The following PDE6A variants were observed in gnomAD, a reference collection of about 807,000 sequenced individuals.
PDE6A encodes the protein rod cGMP-specific 3',5'-cyclic phosphodiesterase subunit alpha.
Under a neutral mutation model 106.3 loss-of-function variants are expected in PDE6A, and 84 were observed. That is an observed-to-expected ratio of 0.79 (90% CI 0.66 to 0.95). PDE6A has a LOEUF of 0.95. Among genes scored for constraint, PDE6A ranks in the 40% least tolerant of loss-of-function variants. The pLI is 0.00. For synonymous variants in PDE6A, 394 were observed against 386.6 expected (o/e 1.02, Z -0.23); for missense variants, 1,052 against 1,084.9 (o/e 0.97, Z 0.43).
rs139011078 is a variant in PDE6A, at chr5:149,886,348, C to A, written c.1755G>T (p.Thr585=). 5 of 1,613,962 alleles carry A rather than the reference C, an allele frequency of 3.1e-6. No individual in the cohort carries two copies. The highest frequency in any genetic ancestry group is 4.2e-6 in the Non-Finnish European group (5 of 1,179,976). ...TGACCATGGCCAAGGCCTCTAGGTCCGTGAAGTAGCGCTTCAGCTTTCCCG... is the reference window on the plus strand; with the variant it reads ...TGACCATGGCCAAGGCCTCTAGGTCAGTGAAGTAGCGCTTCAGCTTTCCCG... ...LVTGKLKRYF[T]DLEALAMVTA... The change falls in exon 14 of 22, where the codon ACG becomes ACT. Residue 585 remains threonine (T), a synonymous_variant. Transcript: ENST00000255266.
At chr5:149,918,817 C>G (rs369934767) in intron 5 of PDE6A, among the ~76,000 whole-genome samples, 2 of 151,898 alleles carry the variant, frequency 1.3e-5, no homozygotes, top group East Asian at 3.9e-4. Flanking sequence ...GAGACAAGGT[C>G]TCACTTTGTT....
intron 8 of PDE6A, among the ~76,000 whole-genome samples, chr5:149,901,521 T>G (rs1752978737): frequency 1.3e-5 from 2 of 151,968 alleles, no homozygotes; most frequent in African/African-American, 4.8e-5. Flanking sequence ...AGTATGAAAC[T>G]CCATCTCAAA....
chr5:149,882,113 C>G (rs931842158), intron 17 of PDE6A, among the ~76,000 whole-genome samples: 1 of 151,414 alleles, frequency 6.6e-6, no homozygotes, highest in African/African-American at 2.4e-5. Flanking sequence ...GGGGGCAGCT[C>G]CTGGCCAGTC....
intron 1 of PDE6A, among the ~76,000 whole-genome samples, chr5:149,938,111 C>G (rs1581214048): frequency 6.6e-6 from 1 of 152,164 alleles, no homozygotes; most frequent in Admixed American, 6.5e-5. Context: ...GCCCACGACT[C>G]AAAGCATGTG....
intron 16 of PDE6A, 93 bp downstream of exon 16, chr5:149,884,386 A>G (rs1011343479): frequency 2.6e-5 from 20 of 764,262 alleles, no homozygotes; most frequent in East Asian, 8.1e-5. Context: ...GTGTATATAT[A>G]TGTGTATATA....
chr5:149,868,712 C>T lies in PDE6A; in HGVS notation c.2136-554G>A, dbSNP rs548371002. Among the ~76,000 whole-genome samples the T allele has an allele frequency of 7.9e-5, 12 of 152,216 alleles. 3 individuals are homozygous for T. The South Asian group carries it at 2.5e-3, about 32-fold the overall frequency. ...TTTTAGATACTTTTTCAGTAATTGC[C>T]CCACGATGAGCTTTTAATACCACAG... On this transcript the variant is annotated intron_variant, in intron 17 of 21. Transcript: ENST00000255266.
chr5:149,944,396 CG>C lies in PDE6A; in HGVS notation c.277del (p.Arg93AlafsTer2). The C allele has an allele frequency of 6.2e-7, 1 of 1,614,044 alleles. No individual in the cohort carries two copies. The highest frequency in any genetic ancestry group is 8.5e-7 in the Non-Finnish European group (1 of 1,179,990). On this transcript the variant is annotated frameshift_variant, in exon 1 of 22. Coordinates refer to ENST00000255266, the MANE Select transcript of PDE6A (RefSeq NM_000440.3). LOFTEE classifies it high-confidence loss of function. ...GGTCCGGTACATGAACAGGCTCATG[CG>C]GTCTGCCTGCAGGAGGAAGCACAGC... is the stretch of plus-strand genomic sequence containing the variant. ...KKLCFLLQAD[R>X]MSLFMYRTRN...
rs778284919 is a variant in PDE6A, at chr5:149,944,749, C to G, written c.-76G>C. The G allele has an allele frequency of 4.2e-6, 5 of 1,193,906 alleles. No homozygotes were observed. In the Admixed American group the frequency reaches 9.9e-5, roughly 24 times the overall value. 74.0% of individuals were successfully genotyped at this position (1,193,906 alleles called of 1,614,324 possible). A position where few individuals can be genotyped will look rare whatever the true frequency, so the allele number is the denominator to read the frequency against. On this transcript the variant is annotated 5_prime_UTR_variant, in exon 1 of 22. Coordinates refer to ENST00000255266, the MANE Select transcript of PDE6A (RefSeq NM_000440.3). The stretch of plus-strand genomic sequence containing the variant: ...CCAATGGCAGTTTTGCAGTCTGCAA[C>G]AAGTCCAGTCTGGACTTCTCTGGGT...
At chr5:149,909,708 T>C (rs1419223304) in intron 6 of PDE6A, among the ~76,000 whole-genome samples, 1 of 152,244 alleles carries the variant, frequency 6.6e-6, no homozygotes, top group African/African-American at 2.4e-5. Context: ...AAATTTTACA[T>C]TAAGCACAAT....
intron 4 of PDE6A, among the ~76,000 whole-genome samples, chr5:149,929,465 G>C (rs1453447540): frequency 4.6e-5 from 7 of 152,088 alleles, no homozygotes; most frequent in Admixed American, 4.6e-4. Context: ...AAATTAGCCA[G>C]GCATGGTGGT....
chr5:149,900,237 C>A (rs755496651), intron 8 of PDE6A, among the ~76,000 whole-genome samples: 37 of 151,700 alleles, frequency 2.4e-4, no homozygotes, highest in African/African-American at 3.1e-4. Context: ...CGGCATGCTC[C>A]TGTAATCCCA....
intron 6 of PDE6A, among the ~76,000 whole-genome samples, chr5:149,913,079 T>C (rs1223631740): frequency 6.6e-6 from 1 of 152,006 alleles, no homozygotes; most frequent in Non-Finnish European, 1.5e-5. Context: ...AGATGAACTT[T>C]AGAAGATAAT....
At position 149,907,352 on chromosome 5, in the gene PDE6A, A is replaced by G; in HGVS notation, c.1025T>C (p.Leu342Ser). 6.2e-7 allele frequency: 1 copy of G among 1,614,082 alleles called. No individual in the cohort carries two copies. The highest frequency in any genetic ancestry group is 8.5e-7 in the Non-Finnish European group (1 of 1,179,930). Residue 342 changes from leucine to serine, a missense_variant, in exon 7 of 22, where the codon TTA becomes TCA. Transcript: ENST00000255266. ...IPNPPPDHWA[L>S]VSGLPAYVAQ... Reference sequence around the variant, plus strand: ...AACATAAGCTGGGAGACCGCTTACTAAAGCCCAATGGTCAGGAGGTGGATT... The same window carrying G: ...AACATAAGCTGGGAGACCGCTTACTGAAGCCCAATGGTCAGGAGGTGGATT...
intron 6 of PDE6A, 59 bp from the exon 7 acceptor site, chr5:149,907,437 T>TA: frequency 7.1e-7 from 1 of 1,417,720 alleles, no homozygotes; most frequent in Non-Finnish European, 1.0e-6. Context: ...GACTAAAGAC[T>TA]AAAATCTGGG....
At chr5:149,896,269 A>G (rs916523299) in intron 12 of PDE6A, 87 bp downstream of exon 12, 13 of 1,086,510 alleles carry the variant, frequency 1.2e-5, no homozygotes, top group Non-Finnish European at 1.7e-5. Context: ...ACTCTTTTTA[A>G]GGTAGTTTAC....
Position 149,896,514 on chromosome 5 carries a change from A to G in PDE6A, c.1474-12T>C. Reference sequence around the variant, plus strand: ...GGCAGCTCCGCTTGCTGTATAAGGAATAGAGTCAGGTGATTAGGAAACATG... The same window carrying G: ...GGCAGCTCCGCTTGCTGTATAAGGAGTAGAGTCAGGTGATTAGGAAACATG... On this transcript the variant is annotated splice_polypyrimidine_tract_variant and intron_variant, in intron 11 of 21. Coordinates refer to ENST00000255266, the MANE Select transcript of PDE6A (RefSeq NM_000440.3). 6.2e-7 allele frequency: 1 copy of G among 1,614,214 alleles called. No individual in the cohort carries two copies. Among genetic ancestry groups the G allele is most frequent in the Non-Finnish European group, 8.5e-7 (1 of 1,180,040 alleles).
chr5:149,886,288 G>C lies in PDE6A; in HGVS notation c.1815C>G (p.Gly605=), dbSNP rs770977429. The change falls in exon 14 of 22, where the codon GGC becomes GGG. Residue 605 remains glycine, a synonymous_variant. Coordinates refer to ENST00000255266, the MANE Select transcript of PDE6A (RefSeq NM_000440.3). ...ACTTCATCTGGTAGAGGTTATTGGTGCCTCTGTGGTCAATGTCATGGCAGA... is the reference window on the plus strand; with the variant it reads ...ACTTCATCTGGTAGAGGTTATTGGTCCCTCTGTGGTCAATGTCATGGCAGA... ...AAFCHDIDHR[G]TNNLYQMKSQ... 3.3e-5 allele frequency: 54 copies of C among 1,613,328 alleles called. No individual in the cohort carries two copies. Among genetic ancestry groups the C allele is most frequent in the Non-Finnish European group, 4.5e-5 (53 of 1,179,330 alleles).
intron 10 of PDE6A, 99 bp from the exon 11 acceptor site, chr5:149,896,875 G>T: frequency 7.7e-7 from 1 of 1,294,768 alleles, no homozygotes; most frequent in Non-Finnish European, 1.1e-6. Flanking sequence ...CCTTGCAACA[G>T]AACCACCAGC....
intron 1 of PDE6A, among the ~76,000 whole-genome samples, chr5:149,940,561 G>A (rs934217971): frequency 1.3e-4 from 19 of 150,374 alleles, no homozygotes; most frequent in Non-Finnish European, 2.2e-4. Context: ...GCAATGGTGC[G>A]GTCTCGGCTC....
Sources: allele counts gnomAD v4.1 joint callset (sites outside exome capture counted in the v4.1 genomes callset), GRCh38; gene constraint gnomAD v4.1.1; transcripts MANE v1.5; gene names NCBI Gene and HGNC (gene_info 2026-07-23, HGNC 2026-07-21).